The following RORB variants were observed in gnomAD, a reference collection of about 807,000 sequenced individuals.
RORB encodes the protein RAR related orphan receptor B, also known as nuclear receptor ROR-beta.
In RORB, 6 loss-of-function variants were observed where a neutral mutation model predicts 59.1. The observed-to-expected ratio is 0.10, with a 90% CI of 0.06 to 0.20. The LOEUF (loss-of-function observed/expected upper bound fraction) is 0.20. Ranked by LOEUF, RORB falls within the 10% of genes least tolerant of loss-of-function variation. RORB has a pLI of 1.00. For synonymous variants in RORB, 215 were observed against 204.5 expected, an observed-to-expected ratio of 1.05 and a Z score of -0.44; for missense variants, 320 against 560.5, an observed-to-expected ratio of 0.57 and a Z score of 4.33.
At chr9:74,628,029 C>A (rs1474789934) in intron 1 of RORB, among the ~76,000 whole-genome samples, 1 of 152,118 alleles carries the variant, frequency 6.6e-6, no homozygotes, top group Non-Finnish European at 1.5e-5. Flanking sequence ...TCTGTTTGAA[C>A]CTCACAAATC....
intron 8 of RORB, 23 bp downstream of exon 8, chr9:74,667,924 A>G (rs1824293017): frequency 6.8e-7 from 1 of 1,462,032 alleles, no homozygotes; most frequent in South Asian, 1.1e-5. Flanking sequence ...CAGTTCTCTT[A>G]CCTTTTTAAA....
chr9:74,534,921 A>G (rs7042950), intron 1 of RORB, among the ~76,000 whole-genome samples: 41,567 of 151,986 alleles, frequency 0.27, 6,419 homozygotes, highest in East Asian at 0.76. Flanking sequence ...AGCAGCAGAC[A>G]AATCCAGGCA....
At chr9:74,634,980 A>G (rs7868717) in intron 3 of RORB, among the ~76,000 whole-genome samples, 145,804 of 152,280 alleles carry the variant, frequency 0.96, 70,139 homozygotes, top group East Asian at 1. Flanking sequence ...AGACTTTACC[A>G]TAGCTCAGGG....
At chr9:74,604,896 G>A (rs1319960790) in intron 1 of RORB, among the ~76,000 whole-genome samples, 3 of 152,150 alleles carry the variant, frequency 2.0e-5, no homozygotes, top group Admixed American at 6.6e-5. Context: ...CAACTAGTAA[G>A]TGTTAAGGTT....
At chr9:74,603,933 C>T (rs970399564) in intron 1 of RORB, among the ~76,000 whole-genome samples, 2 of 152,172 alleles carry the variant, frequency 1.3e-5, no homozygotes, top group African/African-American at 4.8e-5. Context: ...TGAGTGCCAT[C>T]GTCCTAACTA....
intron 4 of RORB, among the ~76,000 whole-genome samples, chr9:74,646,896 G>A (rs1367898803): frequency 6.6e-6 from 1 of 152,118 alleles, no homozygotes; most frequent in East Asian, 1.9e-4. Context: ...TCTTCTGGAG[G>A]TGAGGGAGAC....
intron 4 of RORB, among the ~76,000 whole-genome samples, chr9:74,646,035 T>C (rs1010622073): frequency 1.3e-5 from 2 of 151,950 alleles, no homozygotes; most frequent in Non-Finnish European, 2.9e-5. Flanking sequence ...ATCTGGTTGG[T>C]GGCAAGCTGC....
At chr9:74,660,519 G>A (rs1027220809) in intron 4 of RORB, 98 bp from the exon 5 acceptor site, 2 of 1,031,748 alleles carry the variant, frequency 1.9e-6, no homozygotes, top group African/African-American at 1.6e-5. Flanking sequence ...AATACAATAG[G>A]AGTATCTCCA....
rs372491644 is a variant in RORB at position 74,640,917 on chromosome 9, A to T, written c.236-1497A>T. Reference sequence around the variant, plus strand: ...ATGGCAGCTCTTTCAGACTGTGGGAATCTCTTCTGTGTTCCCTTTGTGCTA... The same window carrying T: ...ATGGCAGCTCTTTCAGACTGTGGGATTCTCTTCTGTGTTCCCTTTGTGCTA... On this transcript the variant is annotated intron_variant, in intron 3 of 9. Coordinates refer to ENST00000376896, the MANE Select transcript of RORB (RefSeq NM_006914.4). 1.4e-4 allele frequency among the ~76,000 whole-genome samples: 22 copies of T among 152,300 alleles called. No homozygotes were observed. The South Asian group carries it at 4.1e-3, about 29-fold the overall frequency.
At chr9:74,583,474 G>T (rs915123069) in intron 1 of RORB, among the ~76,000 whole-genome samples, 18 of 151,606 alleles carry the variant, frequency 1.2e-4, no homozygotes, top group Non-Finnish European at 2.2e-4. Flanking sequence ...TAATTCTACA[G>T]GTAACCCAAA....
intron 1 of RORB, among the ~76,000 whole-genome samples, chr9:74,576,154 T>C (rs776457635): frequency 6.6e-6 from 1 of 152,138 alleles, no homozygotes; most frequent in South Asian, 2.1e-4. Context: ...TCTTTAATTA[T>C]AAAATACTTG....
chr9:74,611,806 C>T (rs932035571), intron 1 of RORB, among the ~76,000 whole-genome samples: 3 of 152,196 alleles, frequency 2.0e-5, no homozygotes, highest in Non-Finnish European at 2.9e-5. Context: ...CACCACCCTG[C>T]CTGGCTAACT....
At chr9:74,526,005 G>A (rs936520401) in intron 1 of RORB, among the ~76,000 whole-genome samples, 4 of 151,986 alleles carry the variant, frequency 2.6e-5, no homozygotes, top group East Asian at 1.9e-4. Flanking sequence ...TGTTTGTGCC[G>A]ATGAATCTAA....
intron 1 of RORB, among the ~76,000 whole-genome samples, chr9:74,550,507 AT>A (rs907006406): frequency 1.4e-4 from 21 of 152,330 alleles, no homozygotes; most frequent in Non-Finnish European, 2.4e-4. Flanking sequence ...ATACTTTTCC[AT>A]TAGTTTCCAA....
At chr9:74,626,249 A>G (rs1286446763) in intron 1 of RORB, among the ~76,000 whole-genome samples, 1 of 152,182 alleles carries the variant, frequency 6.6e-6, no homozygotes, top group Non-Finnish European at 1.5e-5. Context: ...CCAGATCACT[A>G]GATAGTAAAC....
chr9:74,518,799 C>T (rs993474008), intron 1 of RORB, among the ~76,000 whole-genome samples: 11 of 152,062 alleles, frequency 7.2e-5, no homozygotes, highest in Admixed American at 7.2e-4. Context: ...GGGATGCTAC[C>T]TTAGAACCAT....
intron 1 of RORB, among the ~76,000 whole-genome samples, chr9:74,533,446 C>T (rs1048839886): frequency 6.6e-6 from 1 of 151,978 alleles, no homozygotes; most frequent in Non-Finnish European, 1.5e-5. Flanking sequence ...ACATCCCCAA[C>T]CTGGAGAAGT....
chr9:74,538,621 A>T (rs1381011308), intron 1 of RORB, among the ~76,000 whole-genome samples: 1 of 152,094 alleles, frequency 6.6e-6, no homozygotes, highest in Non-Finnish European at 1.5e-5. Flanking sequence ...AAATAAAATC[A>T]GAAAACTTTG....
intron 2 of RORB, 89 bp from the exon 3 acceptor site, chr9:74,634,542 C>T (rs1419284464): frequency 8.1e-7 from 1 of 1,234,210 alleles, no homozygotes; most frequent in African/African-American, 1.5e-5. Flanking sequence ...GTTATGTTCA[C>T]TGCAGAAAAT....
Sources: gnomAD v4.1 joint callset for allele counts (sites outside exome capture counted in the v4.1 genomes callset) on GRCh38, gnomAD v4.1.1 for gene constraint, MANE v1.5 for transcripts, NCBI Gene and HGNC (gene_info 2026-07-23, HGNC 2026-07-21) for gene names.